The following PLS1 variants were observed in gnomAD, a reference collection of about 807,000 sequenced individuals.
The protein encoded by PLS1 is plastin 1, also known as plastin-1.
Under a neutral mutation model 73.7 loss-of-function variants are expected in PLS1, and 32 were observed. The ratio of observed to expected loss-of-function variants is 0.43; its 90% confidence interval spans 0.33 to 0.58. PLS1 has a LOEUF of 0.58. Ranked by LOEUF, PLS1 falls within the 20% of genes least tolerant of loss-of-function variation. PLS1 has a pLI of 0.04. For synonymous variants in PLS1, 217 were observed against 261.3 expected (o/e 0.83, Z 1.63); for missense variants, 633 against 740.5 (o/e 0.85, Z 1.68).
At chr3:142,651,459 T>G (rs1416300542) in intron 1 of PLS1, among the ~76,000 whole-genome samples, 2 of 59,700 alleles carry the variant, frequency 3.4e-5, no homozygotes, top group Non-Finnish European at 5.9e-5. Context: ...AGGAACTCTG[T>G]CTCAAAAAAA....
chr3:142,711,426 G>A, intron 14 of PLS1, 75 bp from the exon 15 acceptor site: 1 of 1,135,096 alleles, frequency 8.8e-7, no homozygotes, highest in Non-Finnish European at 1.3e-6. Flanking sequence ...TCAGTTATAT[G>A]ATCAGAAGAG....
intron 2 of PLS1, among the ~76,000 whole-genome samples, chr3:142,665,493 T>C (rs1372857195): frequency 2.0e-5 from 3 of 152,146 alleles, no homozygotes; most frequent in Non-Finnish European, 4.4e-5. Flanking sequence ...TTATAGAGAA[T>C]TGTATGTAGT....
intron 2 of PLS1, among the ~76,000 whole-genome samples, chr3:142,668,399 A>G (rs1377000280): frequency 1.3e-5 from 2 of 152,204 alleles, no homozygotes; most frequent in Non-Finnish European, 2.9e-5. Context: ...TGAATACATA[A>G]TGAAGAAGCA....
rs574633544 is a variant in PLS1 at position 142,666,759 on chromosome 3, A to G, written c.70+2452A>G. Among the ~76,000 whole-genome samples, 38 of 152,248 alleles carry G rather than the reference A, an allele frequency of 2.5e-4. No individual in the cohort carries two copies. The East Asian group carries it at 7.3e-3, about 29-fold the overall frequency. On this transcript the variant is annotated intron_variant, in intron 2 of 15. Coordinates refer to ENST00000457734, the MANE Select transcript of PLS1 (RefSeq NM_001145319.2). ...AGTGGAGGCACCATTTTACATTCCC[A>G]CCAGTGGTGTACCAGGGTTCCATTT...
intron 1 of PLS1, among the ~76,000 whole-genome samples, chr3:142,663,044 T>C (rs1262343138): frequency 1.3e-5 from 2 of 152,012 alleles, no homozygotes; most frequent in African/African-American, 4.8e-5. Context: ...ACCACGTCTC[T>C]ACTAAAAATA....
chr3:142,669,665 C>A, intron 3 of PLS1, 112 bp downstream of exon 3: 1 of 585,562 alleles, frequency 1.7e-6, no homozygotes, highest in Admixed American at 3.1e-5. Context: ...AAAAGGACTG[C>A]TTTAAAATGA....
intron 2 of PLS1, among the ~76,000 whole-genome samples, chr3:142,665,196 A>G (rs2037453567): frequency 6.6e-6 from 1 of 151,624 alleles, no homozygotes; most frequent in South Asian, 2.1e-4. Context: ...TTTCTCACAA[A>G]CCTAATAACG....
intron 8 of PLS1, 69 bp from the exon 9 acceptor site, chr3:142,686,215 C>A (rs1577891528): frequency 1.1e-6 from 1 of 923,788 alleles, no homozygotes; most frequent in East Asian, 2.4e-5. Flanking sequence ...AGTTTGAGCA[C>A]TTGTTTTCCC....
intron 1 of PLS1, among the ~76,000 whole-genome samples, chr3:142,618,153 C>T (rs981983970): frequency 6.6e-6 from 1 of 152,144 alleles, no homozygotes; most frequent in African/African-American, 2.4e-5. Context: ...TAAGCTCCTA[C>T]ACTAAATATT....
intron 6 of PLS1, among the ~76,000 whole-genome samples, chr3:142,681,426 A>G (rs1486731046): frequency 1.3e-5 from 2 of 152,206 alleles, no homozygotes; most frequent in Non-Finnish European, 2.9e-5. Context: ...GGTAATTTCT[A>G]TTAGTGATAT....
At chr3:142,630,167 A>G (rs2036522941) in intron 1 of PLS1, among the ~76,000 whole-genome samples, 2 of 152,182 alleles carry the variant, frequency 1.3e-5, no homozygotes. Context: ...CACACCTGTA[A>G]TCCCAGCACT....
intron 1 of PLS1, among the ~76,000 whole-genome samples, chr3:142,609,620 C>T (rs1434460498): frequency 6.6e-6 from 1 of 152,172 alleles, no homozygotes; most frequent in South Asian, 2.1e-4. Context: ...GCAGTTAAAT[C>T]GTTTGCCAAA....
intron 14 of PLS1, among the ~76,000 whole-genome samples, chr3:142,704,905 G>C (rs569201723): frequency 6.7e-6 from 1 of 150,200 alleles, no homozygotes; most frequent in African/African-American, 2.5e-5. Context: ...TGATCCGCCC[G>C]CCTCAGCCTC....
chr3:142,692,268 T>C (rs1470946039), intron 10 of PLS1, among the ~76,000 whole-genome samples: 8 of 152,130 alleles, frequency 5.3e-5, no homozygotes, highest in Non-Finnish European at 1.2e-4. Context: ...TTTGTAGACG[T>C]CAAATTGAGC....
chr3:142,630,972 C>CACACACACACACAT (rs1165182238), intron 1 of PLS1, among the ~76,000 whole-genome samples: 1 of 151,442 alleles, frequency 6.6e-6, no homozygotes, highest in Non-Finnish European at 1.5e-5. Context: ...CACACACACA[C>CACACACACACACAT]ATAGAGGGAG....
chr3:142,650,834 G>T (rs1284350947), intron 1 of PLS1, among the ~76,000 whole-genome samples: 1 of 152,158 alleles, frequency 6.6e-6, no homozygotes, highest in African/African-American at 2.4e-5. Context: ...AGCCAGAGAA[G>T]GCCTAAAGTG....
chr3:142,598,134 C>A (rs1262355467), intron 1 of PLS1, among the ~76,000 whole-genome samples: 1 of 152,150 alleles, frequency 6.6e-6, no homozygotes, highest in South Asian at 2.1e-4. Context: ...CTCTTCTGAA[C>A]CCTATAGCAC....
chr3:142,670,392 A>G (rs1406149461), intron 3 of PLS1, among the ~76,000 whole-genome samples: 1 of 152,202 alleles, frequency 6.6e-6, no homozygotes, highest in African/African-American at 2.4e-5. Context: ...ACACAGGGCC[A>G]TGTCGAATTT....
At chr3:142,709,857 T>C (rs1037669412) in intron 14 of PLS1, among the ~76,000 whole-genome samples, 12 of 151,742 alleles carry the variant, frequency 7.9e-5, no homozygotes, top group Non-Finnish European at 1.5e-4. Flanking sequence ...GGCTCATAGA[T>C]TGTGGCTCAA....
Sources: gnomAD v4.1 joint callset for allele counts (sites outside exome capture counted in the v4.1 genomes callset) on GRCh38, gnomAD v4.1.1 for gene constraint, MANE v1.5 for transcripts, NCBI Gene and HGNC (gene_info 2026-07-23, HGNC 2026-07-21) for gene names.